The following SLC9A2 variants were observed in gnomAD, a reference collection of about 807,000 sequenced individuals.
SLC9A2 encodes the protein solute carrier family 9 member A2.
Under a neutral mutation model 71.7 loss-of-function variants are expected in SLC9A2, and 42 were observed. The ratio of observed to expected loss-of-function variants is 0.59; its 90% CI spans 0.46 to 0.76. The LOEUF is 0.76. SLC9A2 is among the 30% of genes least tolerant of loss of function. SLC9A2 has a pLI of 0.00. For synonymous variants in SLC9A2, 396 were observed against 392.5 expected, an observed-to-expected ratio of 1.01 and a Z score of -0.10; for missense variants, 829 against 1,017.4, an observed-to-expected ratio of 0.81 and a Z score of 2.52.
At chr2:102,685,330 G>T (rs1017396130) in intron 5 of SLC9A2, among the ~76,000 whole-genome samples, 1 of 152,168 alleles carries the variant, frequency 6.6e-6, no homozygotes, top group Non-Finnish European at 1.5e-5. Flanking sequence ...CATCATGCAG[G>T]GCCATGCAGC....
chr2:102,702,530 T>C, intron 9 of SLC9A2, 28 bp downstream of exon 9: 3 of 1,335,414 alleles, frequency 2.2e-6, no homozygotes, highest in Non-Finnish European at 3.2e-6. Flanking sequence ...AGCAAAATAT[T>C]TACTTACCTT....
At chr2:102,657,102 G>C (rs1162103979) in intron 1 of SLC9A2, among the ~76,000 whole-genome samples, 1 of 151,976 alleles carries the variant, frequency 6.6e-6, no homozygotes, top group Non-Finnish European at 1.5e-5. Context: ...CTATTCGGGA[G>C]GCTGAGGCAG....
intron 10 of SLC9A2, 71 bp from the exon 11 acceptor site, chr2:102,705,775 A>G (rs954452762): frequency 1.4e-5 from 13 of 913,130 alleles, no homozygotes; most frequent in Non-Finnish European, 2.1e-5. Flanking sequence ...TTTGCTATAC[A>G]ATTTTTAATC....
At position 102,709,098 on chromosome 2, in the gene SLC9A2, C is replaced by T. The variant is rs1464036875; in HGVS notation, c.*609C>T. ...TCATGCAGAAGGAATGGCCTGACTCCTGCAGTGCAGATTGGAGGCCCCAGA... is the reference window on the plus strand; with the variant it reads ...TCATGCAGAAGGAATGGCCTGACTCTTGCAGTGCAGATTGGAGGCCCCAGA... On this transcript the variant is annotated 3_prime_UTR_variant, in exon 12 of 12. Transcript: ENST00000233969. 2 of 152,954 alleles carry T rather than the reference C, an allele frequency of 1.3e-5. No individual in the cohort carries two copies. The highest frequency in any genetic ancestry group is 2.4e-5 in the African/African-American group (1 of 41,468). 9.5% of individuals were successfully genotyped at this position (152,954 alleles called of 1,614,324 possible).
chr2:102,702,364 A>ATT (rs1165327043), intron 8 of SLC9A2, 42 bp from the exon 9 acceptor site: 4 of 1,077,902 alleles, frequency 3.7e-6, no homozygotes, highest in Non-Finnish European at 1.4e-6. Context: ...TGATTCTAAT[A>ATT]TTTGTTGAAA....
chr2:102,691,353 CT>C (rs1246573736), intron 5 of SLC9A2, among the ~76,000 whole-genome samples: 1 of 152,124 alleles, frequency 6.6e-6, no homozygotes. Context: ...TATCGGGTTA[CT>C]CCCTGGGTGA....
rs750817000 is a variant in SLC9A2 at position 102,657,555 on chromosome 2, C to T, written c.290-9C>T. ...CCCAAGTTGTGTGTTTTTATTTTTT[C>T]CTTACCAGGCTTCCATCTGTATCAC... On this transcript the variant is annotated splice_polypyrimidine_tract_variant and intron_variant, in intron 1 of 11. Coordinates refer to ENST00000233969, the MANE Select transcript of SLC9A2 (RefSeq NM_003048.6). 1 of 1,567,832 alleles carries T rather than the reference C, an allele frequency of 6.4e-7. No homozygotes were observed. The highest frequency in any genetic ancestry group is 8.6e-7 in the Non-Finnish European group (1 of 1,157,358).
intron 3 of SLC9A2, among the ~76,000 whole-genome samples, chr2:102,671,064 C>T (rs1438525960): frequency 6.6e-6 from 1 of 152,084 alleles, no homozygotes; most frequent in African/African-American, 2.4e-5. Flanking sequence ...TATGACGCAT[C>T]ATGTTTATAA....
chr2:102,626,445 G>A (rs1209916963), intron 1 of SLC9A2, among the ~76,000 whole-genome samples: 1 of 152,170 alleles, frequency 6.6e-6, no homozygotes, highest in Admixed American at 6.5e-5. Context: ...AGACTTAAAT[G>A]TTAGACCTAA....
intron 1 of SLC9A2, among the ~76,000 whole-genome samples, chr2:102,632,045 C>T (rs78179004): frequency 1.0e-5 from 1 of 97,106 alleles, no homozygotes; most frequent in African/African-American, 4.0e-5. Context: ...TATACATACA[C>T]ACACACATAT....
intron 1 of SLC9A2, among the ~76,000 whole-genome samples, chr2:102,648,039 A>T (rs1676760039): frequency 6.6e-6 from 1 of 152,168 alleles, no homozygotes; most frequent in Non-Finnish European, 1.5e-5. Context: ...GACACAACAA[A>T]AAAAGAAAAT....
chr2:102,619,577 A>G lies in SLC9A2; in HGVS notation c.-272A>G. On this transcript the variant is annotated 5_prime_UTR_variant, in exon 1 of 12. Coordinates refer to ENST00000233969, the MANE Select transcript of SLC9A2 (RefSeq NM_003048.6). This position sits in a 1 kb window ranked among gnomAD's most constrained non-coding sequence, Gnocchi z 4.3. ...TGGAGAGCAGCGCACCGGCATGGGC[A>G]GGCGGCCGGCGGCGGAGGGCGGCTG... is the stretch of plus-strand genomic sequence containing the variant. The G allele has an allele frequency of 3.4e-6, 1 of 293,364 alleles. No individual in the cohort carries two copies. The highest frequency in any genetic ancestry group is 2.2e-5 in the African/African-American group (1 of 45,680). 18.2% of individuals were successfully genotyped at this position (293,364 alleles called of 1,614,324 possible). A position where few individuals can be genotyped will look rare whatever the true frequency, so the allele number is the denominator to read the frequency against.
At chr2:102,700,035 T>C (rs1385935959) in intron 7 of SLC9A2, among the ~76,000 whole-genome samples, 1 of 152,130 alleles carries the variant, frequency 6.6e-6, no homozygotes, top group Non-Finnish European at 1.5e-5. Flanking sequence ...AACATATGAA[T>C]TTTTGGCGGG....
chr2:102,700,941 G>T, intron 7 of SLC9A2, 129 bp from the exon 8 acceptor site: 1 of 630,608 alleles, frequency 1.6e-6, no homozygotes. Flanking sequence ...TATATAAAAT[G>T]ACCAGATTAG....
rs565008943 is a variant in SLC9A2 at position 102,684,606 on chromosome 2, T to C, written c.1425+270T>C. Among the ~76,000 whole-genome samples the C allele has an allele frequency of 2.4e-4, 36 of 152,332 alleles. No homozygotes were observed. The South Asian group carries it at 7.2e-3, about 31-fold the overall frequency. ...TATGACTGGAAACAGGAACTGCACT[T>C]GCTAATGCTTATTATTTTTCTGACT... On this transcript the variant is annotated intron_variant, in intron 5 of 11. Transcript: ENST00000233969.
intron 8 of SLC9A2, among the ~76,000 whole-genome samples, chr2:102,702,169 A>T (rs192532643): frequency 1.3e-5 from 2 of 152,334 alleles, no homozygotes; most frequent in Non-Finnish European, 2.9e-5. Context: ...TTCTTCCCTG[A>T]AAACATAATG....
At chr2:102,691,660 G>T (rs1179464897) in intron 5 of SLC9A2, among the ~76,000 whole-genome samples, 1 of 152,176 alleles carries the variant, frequency 6.6e-6, no homozygotes, top group Non-Finnish European at 1.5e-5. Context: ...GATTAAAAGG[G>T]ACTGTATATA....
chr2:102,656,523 G>A (rs1260858942), intron 1 of SLC9A2, among the ~76,000 whole-genome samples: 4 of 152,162 alleles, frequency 2.6e-5, no homozygotes, highest in South Asian at 2.1e-4. Context: ...GAACTTGATT[G>A]GGAACTATGT....
At chr2:102,681,954 C>T (rs549179995) in intron 3 of SLC9A2, among the ~76,000 whole-genome samples, 4 of 152,288 alleles carry the variant, frequency 2.6e-5, no homozygotes, top group Non-Finnish European at 4.4e-5. Flanking sequence ...CTGATGCTCA[C>T]AGTAAGAGGA....
Sources: gnomAD v4.1 joint callset for allele counts (sites outside exome capture counted in the v4.1 genomes callset) on GRCh38, gnomAD v4.1.1 for gene constraint, Gnocchi (gnomAD v3.1) non-coding constraint, MANE v1.5 for transcripts, NCBI Gene and HGNC (gene_info 2026-07-23, HGNC 2026-07-21) for gene names.